GAK: variants seen among roughly 807,000 people sequenced by gnomAD.
GAK encodes cyclin G associated kinase, also known as cyclin-G-associated kinase.
GAK carries 79 observed loss-of-function variants against 143.9 expected under a neutral mutation model. The observed-to-expected ratio is 0.55, with a 90% CI of 0.46 to 0.66. GAK has a LOEUF of 0.66. Among genes scored for constraint, GAK ranks in the 30% least tolerant of loss-of-function variants. GAK has a pLI of 0.00. For missense variants in GAK, 1,693 were observed against 1,779.7 expected (o/e 0.95, Z 0.88); for synonymous variants, 881 against 765.5 (o/e 1.15, Z -2.49).
intron 9 of GAK, among the ~76,000 whole-genome samples, chr4:891,647 C>A (rs977109812): frequency 6.6e-6 from 1 of 152,064 alleles, no homozygotes; most frequent in Non-Finnish European, 1.5e-5. Flanking sequence ...ATCTGCCCAG[C>A]GGCACCTCCT....
At chr4:915,165 G>A (rs1474848937) in intron 1 of GAK, among the ~76,000 whole-genome samples, 5 of 100,988 alleles carry the variant, frequency 5.0e-5, no homozygotes, top group Non-Finnish European at 8.1e-5. Flanking sequence ...CAGTATACAC[G>A]GCCCCACACA....
Position 851,660 on chromosome 4 carries a change from C to T in GAK, c.3508+90G>A, listed in dbSNP as rs184679614. The T allele has an allele frequency of 6.3e-5, 87 of 1,373,730 alleles. 1 individual carries two copies. The Admixed American group carries it at 1.5e-3, about 23-fold the overall frequency. 85.1% of individuals were successfully genotyped at this position (1,373,730 alleles called of 1,614,324 possible). A position where few individuals can be genotyped will look rare whatever the true frequency, so the allele number is the denominator to read the frequency against. On this transcript the variant is annotated intron_variant, in intron 25 of 27. Coordinates refer to ENST00000314167, the MANE Select transcript of GAK (RefSeq NM_005255.4). The stretch of plus-strand genomic sequence containing the variant: ...GCCGTGCCTGTCCCAGGACTGGGCT[C>T]TGAGATGAAGAAAACAACATAGGTT...
intron 19 of GAK, among the ~76,000 whole-genome samples, chr4:870,486 T>C (rs1421060274): frequency 6.6e-6 from 1 of 152,188 alleles, no homozygotes; most frequent in Non-Finnish European, 1.5e-5. Context: ...TCCCTGCCCA[T>C]GGGCCTCAGA....
chr4:922,096 T>C (rs974617895), intron 1 of GAK, among the ~76,000 whole-genome samples: 3 of 152,220 alleles, frequency 2.0e-5, no homozygotes, highest in African/African-American at 4.8e-5. Context: ...CAGATGACCC[T>C]ATGCGGAGAC....
intron 18 of GAK, 51 bp downstream of exon 18, chr4:876,479 C>G (rs374755261): frequency 1.3e-6 from 2 of 1,497,068 alleles, no homozygotes; most frequent in African/African-American, 2.8e-5. Context: ...GCAGGTGCTG[C>G]GGCACAGGGC....
At chr4:921,136 T>A (rs1723862372) in intron 1 of GAK, among the ~76,000 whole-genome samples, 2 of 152,070 alleles carry the variant, frequency 1.3e-5, no homozygotes, top group Non-Finnish European at 2.9e-5. Context: ...GGAGTCTCGC[T>A]CTGTCACCCA....
chr4:924,820 G>T (rs1368560310), intron 1 of GAK, among the ~76,000 whole-genome samples: 1 of 114,536 alleles, frequency 8.7e-6, no homozygotes, highest in Non-Finnish European at 1.8e-5. Flanking sequence ...TGGGTCGTGG[G>T]GGTGGAGTTC....
At chr4:888,598 G>C in intron 11 of GAK, 1 of 501,512 alleles carries the variant, frequency 2.0e-6, no homozygotes, top group Non-Finnish European at 3.5e-6. Flanking sequence ...CAAGGGAGGG[G>C]AGGGCCCAGG....
intron 4 of GAK, among the ~76,000 whole-genome samples, chr4:906,037 C>G (rs968022624): frequency 1.3e-5 from 2 of 152,250 alleles, no homozygotes; most frequent in Non-Finnish European, 2.9e-5. Context: ...AGCAGCTGAG[C>G]TGGCATGCCG....
chr4:922,307 G>A lies in GAK; in HGVS notation c.146-8639C>T, dbSNP rs1040797744. Reference sequence around the variant, plus strand: ...AGGCGGGCAGATCACTTGAGGTCGTGAGTTTGAGACCAACCTGGGAAACAT... The same window carrying A: ...AGGCGGGCAGATCACTTGAGGTCGTAAGTTTGAGACCAACCTGGGAAACAT... On this transcript the variant is annotated intron_variant, in intron 1 of 27. Transcript: ENST00000314167. Among the ~76,000 whole-genome samples the A allele has an allele frequency of 8.5e-5, 13 of 152,190 alleles. No homozygotes were observed. In the South Asian group the frequency reaches 1.0e-3, roughly 12 times the overall value.
At position 850,953 on chromosome 4, in the gene GAK, C is replaced by T; in HGVS notation, c.3640G>A (p.Asp1214Asn). The T allele has an allele frequency of 6.2e-7, 1 of 1,613,592 alleles. No homozygotes were observed. Among genetic ancestry groups the T allele is most frequent in the Non-Finnish European group, 8.5e-7 (1 of 1,179,760 alleles). ...CCACCCACCTTCAGCTTGAGTGGGT[C>T]CGTGTCTTTAGCCAGGTCCTGCTTC... ...MRKQDLAKDT[D>N]PLKLKLLDWI... Residue 1214 changes from aspartate (D) to asparagine (N), a missense_variant, in exon 26 of 28, where the codon GAC (aspartate) becomes AAC (asparagine). Transcript: ENST00000314167.
chr4:909,801 C>T (rs977897437), intron 4 of GAK, among the ~76,000 whole-genome samples: 20 of 152,358 alleles, frequency 1.3e-4, no homozygotes, highest in African/African-American at 4.3e-4. Flanking sequence ...CCTTGTGCTG[C>T]CTTCAACTTT....
chr4:881,429 C>T (rs1406321559), intron 15 of GAK, among the ~76,000 whole-genome samples: 2 of 152,096 alleles, frequency 1.3e-5, no homozygotes, highest in African/African-American at 2.4e-5. Context: ...GACCACACTC[C>T]CGTTTGAGAA....
intron 5 of GAK, among the ~76,000 whole-genome samples, chr4:898,731 C>T (rs906174221): frequency 6.6e-5 from 10 of 152,206 alleles, no homozygotes; most frequent in East Asian, 3.9e-4. Flanking sequence ...GGCATGGTGG[C>T]GGGCGCCTGT....
chr4:852,742 C>T lies in GAK; in HGVS notation c.3284-768G>A, dbSNP rs369231605. 2.3e-3 allele frequency: 349 copies of T among 152,376 alleles called. 18 individuals are homozygous for T. The South Asian group carries it at 0.062, about 27-fold the overall frequency. 9.4% of individuals were successfully genotyped at this position (152,376 alleles called of 1,614,324 possible). On this transcript the variant is annotated intron_variant, in intron 24 of 27. Transcript: ENST00000314167. ...CAGGCGTGAGCCACCGTGCCTGGCC[C>T]GATCCTTTAACTTTTTATTTTGGAA... is the stretch of plus-strand genomic sequence containing the variant.
chr4:915,189 T>C (rs1358411533), intron 1 of GAK, among the ~76,000 whole-genome samples: 1 of 145,126 alleles, frequency 6.9e-6, no homozygotes, highest in Admixed American at 6.8e-5. Context: ...AGCCCCAGCA[T>C]ACACGGCCCC....
chr4:912,235 G>T lies in GAK; in HGVS notation c.268-448C>A, dbSNP rs910337809. The T allele has an allele frequency of 4.7e-5, 21 of 445,016 alleles. 1 individual carries two copies. The Middle Eastern group carries it at 9.8e-4, about 21-fold the overall frequency. 27.6% of individuals were successfully genotyped at this position (445,016 alleles called of 1,614,324 possible). On this transcript the variant is annotated intron_variant, in intron 3 of 27. Coordinates refer to ENST00000314167, the MANE Select transcript of GAK (RefSeq NM_005255.4). ...CCAGGGCCGAAGACTCCAGGCTCAG[G>T]AGGGACATGTGGCAGTGGACAGGGA... is the stretch of plus-strand genomic sequence containing the variant.
intron 5 of GAK, among the ~76,000 whole-genome samples, chr4:901,439 C>G (rs913708953): frequency 6.6e-6 from 1 of 152,222 alleles, no homozygotes; most frequent in Non-Finnish European, 1.5e-5. Flanking sequence ...ACGGGGAGAG[C>G]TGGGGGGCTC....
intron 18 of GAK, 52 bp downstream of exon 18, chr4:876,478 G>A: frequency 1.3e-6 from 2 of 1,509,198 alleles, no homozygotes; most frequent in Non-Finnish European, 1.8e-6. Context: ...TGCAGGTGCT[G>A]CGGCACAGGG....
Sources: gnomAD v4.1 joint callset for allele counts (sites outside exome capture counted in the v4.1 genomes callset) on GRCh38, gnomAD v4.1.1 for gene constraint, MANE v1.5 for transcripts, NCBI Gene and HGNC (gene_info 2026-07-23, HGNC 2026-07-21) for gene names.